The following TCP11L2 variants were observed in gnomAD, a reference collection of about 807,000 sequenced individuals.
The protein encoded by TCP11L2 is t-complex 11 like 2.
TCP11L2 carries 39 observed loss-of-function variants against 50.7 expected under a neutral mutation model. The ratio of observed to expected loss-of-function variants is 0.77; its 90% CI spans 0.60 to 1.01. TCP11L2 has a LOEUF of 1.01. Among genes scored for constraint, TCP11L2 ranks in the 50% least tolerant of loss-of-function variants. The probability of loss-of-function intolerance (pLI) is 0.00; values close to 1 mark genes in which losing one functional copy is unlikely to be tolerated. For missense variants in TCP11L2, 612 were observed against 614.7 expected (o/e 1.00, Z 0.05); for synonymous variants, 192 against 219.3 (o/e 0.88, Z 1.10).
intron 5 of TCP11L2, among the ~76,000 whole-genome samples, chr12:106,321,908 G>A (rs979595318): frequency 2.0e-5 from 3 of 152,202 alleles, no homozygotes; most frequent in South Asian, 2.1e-4. Context: ...AAGGTTGTTA[G>A]TTGGCACATA....
At chr12:106,317,503 G>A (rs1486459843) in intron 3 of TCP11L2, among the ~76,000 whole-genome samples, 2 of 152,206 alleles carry the variant, frequency 1.3e-5, no homozygotes, top group Non-Finnish European at 2.9e-5. Context: ...GCGACAGAGT[G>A]AGACTCTGTC....
At chr12:106,317,103 C>T (rs2035119667) in intron 3 of TCP11L2, among the ~76,000 whole-genome samples, 1 of 152,204 alleles carries the variant, frequency 6.6e-6, no homozygotes, top group Non-Finnish European at 1.5e-5. Flanking sequence ...GTGCCTTGCA[C>T]ATAAATACTT....
At chr12:106,331,060 C>T (rs1134577) in intron 6 of TCP11L2, among the ~76,000 whole-genome samples, 49,462 of 152,046 alleles carry the variant, frequency 0.33, 8,354 homozygotes, top group Non-Finnish European at 0.36. Context: ...TGGACATTGT[C>T]TTTAAGGTCA....
intron 8 of TCP11L2, among the ~76,000 whole-genome samples, chr12:106,339,903 G>A (rs1358095081): frequency 6.6e-6 from 1 of 152,214 alleles, no homozygotes; most frequent in African/African-American, 2.4e-5. Flanking sequence ...TGCTGTTAAT[G>A]ATGATAAACA....
chr12:106,311,012 A>T, intron 1 of TCP11L2, 29 bp from the exon 2 acceptor site: 7 of 1,568,452 alleles, frequency 4.5e-6, no homozygotes, highest in Non-Finnish European at 6.1e-6. Context: ...ACCACAGAAC[A>T]TTGACGCAGG....
intron 4 of TCP11L2, among the ~76,000 whole-genome samples, chr12:106,320,282 C>A (rs548195920): frequency 3.4e-4 from 52 of 152,156 alleles, no homozygotes; most frequent in African/African-American, 1.2e-3. Flanking sequence ...CCTGTAATCC[C>A]AGCTACTCAG....
At chr12:106,335,376 G>C (rs2035880213) in intron 6 of TCP11L2, among the ~76,000 whole-genome samples, 1 of 152,152 alleles carries the variant, frequency 6.6e-6, no homozygotes, top group African/African-American at 2.4e-5. Context: ...GCCATATGCT[G>C]TCTTTTCCAG....
intron 5 of TCP11L2, 64 bp downstream of exon 5, chr12:106,321,770 G>A: frequency 7.0e-7 from 1 of 1,430,342 alleles, no homozygotes; most frequent in Non-Finnish European, 9.8e-7. Context: ...GGGAAGTTGG[G>A]CATCAGGGAA....
Position 106,346,546 on chromosome 12 carries a change from G to A in TCP11L2, c.*16G>A. The A allele has an allele frequency of 6.2e-7, 1 of 1,602,178 alleles. No individual in the cohort carries two copies. Among genetic ancestry groups the A allele is most frequent in the Non-Finnish European group, 8.5e-7 (1 of 1,174,678 alleles). On this transcript the variant is annotated 3_prime_UTR_variant, in exon 10 of 10. Transcript: ENST00000299045. ...TACTAACTAAAGAAGAACTGACATTGGACGAGAGATTGGAAATCCAGTACT... is the reference window on the plus strand; with the variant it reads ...TACTAACTAAAGAAGAACTGACATTAGACGAGAGATTGGAAATCCAGTACT...
At chr12:106,332,359 C>T (rs142453073) in intron 6 of TCP11L2, among the ~76,000 whole-genome samples, 7 of 152,234 alleles carry the variant, frequency 4.6e-5, no homozygotes, top group African/African-American at 1.2e-4. Flanking sequence ...CATAAATATT[C>T]GTAGCAGCCT....
At chr12:106,330,272 C>G in intron 6 of TCP11L2, 1 of 985,094 alleles carries the variant, frequency 1.0e-6, no homozygotes, top group East Asian at 1.1e-4. Flanking sequence ...ACATTTTATT[C>G]AAAGTTAGAA....
chr12:106,321,287 A>T (rs2035324613), intron 4 of TCP11L2, among the ~76,000 whole-genome samples, 199 bp from the exon 5 acceptor site: 1 of 152,152 alleles, frequency 6.6e-6, no homozygotes, highest in Non-Finnish European at 1.5e-5. Flanking sequence ...GGGCCCTTTA[A>T]TTCAGAAGAT....
chr12:106,346,292 G>T lies in TCP11L2; in HGVS notation c.1322G>T (p.Arg441Leu), dbSNP rs763401853. The T allele has an allele frequency of 1.9e-6, 3 of 1,602,972 alleles. No individual in the cohort carries two copies. Among genetic ancestry groups the T allele is most frequent in the South Asian group, 1.1e-5 (1 of 90,442 alleles). The change falls in exon 10 of 10, where the codon CGA becomes CTA. Residue 441 changes from arginine (R) to leucine (L), a missense_variant. Transcript: ENST00000299045. The part of the protein sequence containing the change: ...DNPIWSLIDK[R>L]IKLYMRRLLC... Reference sequence around the variant, plus strand: ...ATCTTTTTTTCCCCTTCAGATAAACGAATTAAGCTTTACATGAGAAGGCTA... The same window carrying T: ...ATCTTTTTTTCCCCTTCAGATAAACTAATTAAGCTTTACATGAGAAGGCTA...
At chr12:106,335,561 AC>A in intron 6 of TCP11L2, 77 bp from the exon 7 acceptor site, 1 of 1,467,866 alleles carries the variant, frequency 6.8e-7, no homozygotes. Context: ...AGCACCCAAC[AC>A]AGCATCTGTC....
chr12:106,315,827 C>A (rs904058568), intron 3 of TCP11L2, among the ~76,000 whole-genome samples: 3 of 152,200 alleles, frequency 2.0e-5, no homozygotes, highest in African/African-American at 7.2e-5. Context: ...TATTACAGAT[C>A]AGTCGTCTTT....
chr12:106,320,548 C>T (rs1242397438), intron 4 of TCP11L2, among the ~76,000 whole-genome samples: 1 of 152,148 alleles, frequency 6.6e-6, no homozygotes, highest in Non-Finnish European at 1.5e-5. Flanking sequence ...ATGTTAAGTT[C>T]ATTGACAAGT....
intron 1 of TCP11L2, among the ~76,000 whole-genome samples, chr12:106,306,929 C>T (rs1287907740): frequency 6.6e-6 from 1 of 152,176 alleles, no homozygotes; most frequent in Non-Finnish European, 1.5e-5. Flanking sequence ...TGTATCTTTG[C>T]AATTCTGAAC....
At chr12:106,339,556 A>C (rs542387128) in intron 8 of TCP11L2, among the ~76,000 whole-genome samples, 9 of 152,202 alleles carry the variant, frequency 5.9e-5, no homozygotes, top group Non-Finnish European at 1.3e-4. Flanking sequence ...GCCAAGGCCT[A>C]TGTCCATAAT....
At chr12:106,327,376 T>C (rs1031497144) in intron 6 of TCP11L2, among the ~76,000 whole-genome samples, 3 of 152,138 alleles carry the variant, frequency 2.0e-5, no homozygotes, top group Non-Finnish European at 4.4e-5. Flanking sequence ...AAAACATTTT[T>C]TGTAGAGACG....
Sources: allele counts gnomAD v4.1 joint callset (sites outside exome capture counted in the v4.1 genomes callset), GRCh38; gene constraint gnomAD v4.1.1; transcripts MANE v1.5; gene names NCBI Gene and HGNC (gene_info 2026-07-23, HGNC 2026-07-21).